Variants in RUBCN observed in about 807,000 individuals in gnomAD.
The protein encoded by RUBCN is rubicon autophagy regulator, also known as run domain Beclin-1-interacting and cysteine-rich domain-containing protein.
In RUBCN, 74 loss-of-function variants were observed where a neutral mutation model predicts 113.2. The observed-to-expected ratio is 0.65, with a 90% CI of 0.54 to 0.79. The LOEUF is 0.79. Among genes scored for constraint, RUBCN ranks in the 30% least tolerant of loss-of-function variants. RUBCN has a pLI of 0.00. For synonymous variants in RUBCN, 480 were observed against 490.0 expected (o/e 0.98, Z 0.27); for missense variants, 1,109 against 1,251.7 (o/e 0.89, Z 1.72).
Position 197,701,689 on chromosome 3 carries a change from C to G in RUBCN, c.727+19G>C. On this transcript the variant is annotated intron_variant, in intron 6 of 19. Coordinates refer to ENST00000296343, the MANE Select transcript of RUBCN (RefSeq NM_014687.4). ...GGGCTGGGGATAAATGTAATGACCA[C>G]TTTTTCCTGTCCCCATACCTGAGCC... is the stretch of plus-strand genomic sequence containing the variant. The G allele has an allele frequency of 6.2e-7, 1 of 1,612,848 alleles. No individual in the cohort carries two copies. The highest frequency in any genetic ancestry group is 8.5e-7 in the Non-Finnish European group (1 of 1,178,866).
exon 1 of RUBCN, chr3:197,749,514 G>T (rs570943689): frequency 7.8e-7 from 1 of 1,289,630 alleles, no homozygotes; most frequent in Non-Finnish European, 1.0e-6. Context: ...CACTCGCAGG[G>T]GTCTGTCCTG....
Position 197,700,863 on chromosome 3 carries a change from G to A in RUBCN, c.1011C>T (p.Ala337=). The stretch of plus-strand genomic sequence containing the variant: ...CATTGCTGCTGTGACTCTGACAGCT[G>A]GCAGTCCGGCCTCGGGGGTCCAAGT... The part of the protein sequence containing the change: ...IGNLDPRGRT[A]SCQSHSSNAE... The change falls in exon 7 of 20, where the codon GCC becomes GCT. Residue 337 remains alanine (A), a synonymous_variant. Coordinates refer to ENST00000296343, the MANE Select transcript of RUBCN (RefSeq NM_014687.4). 1.2e-6 allele frequency: 2 copies of A among 1,614,200 alleles called. No individual in the cohort carries two copies. The highest frequency in any genetic ancestry group is 1.7e-6 in the Non-Finnish European group (2 of 1,180,028).
At chr3:197,696,384 AACAAAAC>A (rs1171955825) in intron 8 of RUBCN, among the ~76,000 whole-genome samples, 1 of 152,002 alleles carries the variant, frequency 6.6e-6, no homozygotes, top group African/African-American at 2.4e-5. Flanking sequence ...AAAAAAAAAA[AACAAAAC>A]AAAAAAGAAT....
intron 1 of RUBCN, among the ~76,000 whole-genome samples, chr3:197,745,014 G>A (rs527566069): frequency 6.6e-5 from 10 of 151,990 alleles, no homozygotes; most frequent in African/African-American, 1.4e-4. Flanking sequence ...GGCTGGGCAC[G>A]GTGGCTTCAC....
intron 1 of RUBCN, among the ~76,000 whole-genome samples, chr3:197,744,034 T>C (rs970303983): frequency 2.0e-5 from 3 of 151,424 alleles, no homozygotes; most frequent in African/African-American, 7.3e-5. Context: ...TTAGTTATTA[T>C]ACCTAATACA....
chr3:197,679,882 C>T (rs1209615984), intron 16 of RUBCN, among the ~76,000 whole-genome samples: 1 of 144,324 alleles, frequency 6.9e-6, no homozygotes, highest in Non-Finnish European at 1.5e-5. Flanking sequence ...CCAGACTGTC[C>T]TGTGCTCTGA....
At position 197,700,818 on chromosome 3, in the gene RUBCN, A is replaced by G; in HGVS notation, c.1056T>C (p.Asn352=). The change falls in exon 7 of 20, where the codon AAT becomes AAC. Residue 352 remains asparagine (N), a synonymous_variant. Coordinates refer to ENST00000296343, the MANE Select transcript of RUBCN (RefSeq NM_014687.4). ...TCTGGGAGCTGCTGGAGGAGAACAA[A>G]TTGGAACTGCTGCTCTCGGCATTGC... ...HSSNAESSSS[N]LFSSSSSQKP... is the part of the protein sequence containing the mutation. 1.2e-6 allele frequency: 2 copies of G among 1,614,046 alleles called. No homozygotes were observed. Among genetic ancestry groups the G allele is most frequent in the African/African-American group, 2.7e-5 (2 of 74,984 alleles).
chr3:197,716,203 C>T (rs1369630038), intron 2 of RUBCN, among the ~76,000 whole-genome samples: 3 of 152,228 alleles, frequency 2.0e-5, no homozygotes, highest in Non-Finnish European at 4.4e-5. Flanking sequence ...TCTCAGCTCA[C>T]TGCAGCCTCC....
chr3:197,739,677 A>C (rs150773242), upstream of RUBCN, among the ~76,000 whole-genome samples: 1,855 of 152,106 alleles, frequency 0.012, 28 homozygotes, highest in South Asian at 0.031. Context: ...CCAGCCTGGA[A>C]GACAGAGCTA....
rs545102793 is a variant in RUBCN at position 197,682,176 on chromosome 3, G to A, written c.2127-277C>T. The stretch of plus-strand genomic sequence containing the variant: ...GGAGAGAGAATGACAGGAGAGAAGA[G>A]CATCCATCTATCTTAGAAAGAGAAG... On this transcript the variant is annotated intron_variant, in intron 14 of 19. Transcript: ENST00000296343. Among the ~76,000 whole-genome samples, 6 of 152,184 alleles carry A rather than the reference G, an allele frequency of 3.9e-5. No individual in the cohort carries two copies. The South Asian group carries it at 1.2e-3, about 32-fold the overall frequency.
At chr3:197,718,625 A>T (rs1725806416) in intron 1 of RUBCN, among the ~76,000 whole-genome samples, 1 of 151,782 alleles carries the variant, frequency 6.6e-6, no homozygotes, top group South Asian at 2.1e-4. Context: ...TAATTTTTAA[A>T]TTTTTTGTAG....
intron 1 of RUBCN, among the ~76,000 whole-genome samples, chr3:197,735,197 G>T (rs1032668651): frequency 6.6e-6 from 1 of 152,316 alleles, no homozygotes; most frequent in Non-Finnish European, 1.5e-5. Flanking sequence ...AGGAGTTAGA[G>T]ACCAGCCTGG....
intron 17 of RUBCN, 90 bp downstream of exon 17, chr3:197,677,390 C>T: frequency 9.0e-7 from 1 of 1,112,688 alleles, no homozygotes; most frequent in East Asian, 2.3e-5. Context: ...CTCTACTCTC[C>T]TTCGTTACAT....
At chr3:197,711,010 G>A (rs1036933147) in intron 2 of RUBCN, among the ~76,000 whole-genome samples, 1 of 152,144 alleles carries the variant, frequency 6.6e-6, no homozygotes, top group Admixed American at 6.5e-5. Flanking sequence ...ATTGTTAGTA[G>A]AGACAGGGTT....
At chr3:197,725,259 G>C (rs774284816) in intron 1 of RUBCN, among the ~76,000 whole-genome samples, 13 of 152,010 alleles carry the variant, frequency 8.6e-5, no homozygotes, top group Non-Finnish European at 1.8e-4. Flanking sequence ...TGGTAACACT[G>C]AGGTAGCGAG....
At chr3:197,704,870 C>A (rs993451784) in intron 3 of RUBCN, among the ~76,000 whole-genome samples, 169 bp from the exon 4 acceptor site, 3 of 151,878 alleles carry the variant, frequency 2.0e-5, no homozygotes, top group Non-Finnish European at 4.4e-5. Context: ...ACTTTTTTTC[C>A]CTTCCCCAGA....
chr3:197,741,635 A>G (rs999851159), upstream of RUBCN, among the ~76,000 whole-genome samples: 23 of 152,062 alleles, frequency 1.5e-4, no homozygotes, highest in African/African-American at 4.8e-4. Flanking sequence ...GTTCAAGAAC[A>G]GCCTGGCTAA....
At chr3:197,686,199 T>C (rs770608693) in intron 11 of RUBCN, among the ~76,000 whole-genome samples, 162 of 152,216 alleles carry the variant, frequency 1.1e-3, no homozygotes, top group African/African-American at 3.7e-3. Context: ...AAGGAAACCA[T>C]TGCCTTCATA....
At chr3:197,704,502 G>A (rs201915164) in intron 4 of RUBCN, 40 bp downstream of exon 4, 34 of 1,595,948 alleles carry the variant, frequency 2.1e-5, no homozygotes, top group Admixed American at 1.5e-4. Flanking sequence ...GGGTGACAAC[G>A]AGGAAGCACA....
Sources: allele counts gnomAD v4.1 joint callset (sites outside exome capture counted in the v4.1 genomes callset), GRCh38; gene constraint gnomAD v4.1.1; transcripts MANE v1.5; gene names NCBI Gene and HGNC (gene_info 2026-07-23, HGNC 2026-07-21).